The following QTMAN variants were observed in gnomAD, a reference collection of about 807,000 sequenced individuals.
QTMAN encodes the protein tRNA-queuosine alpha-mannosyltransferase.
At chr2:143,973,774 G>C in the QTMAN span, among the ~76,000 whole-genome samples, 2 of 148,964 alleles carry the variant, frequency 1.3e-5, no homozygotes, top group Admixed American at 1.3e-4. Context: ...GGGCGACAGA[G>C]CGAAACTCCG....
the QTMAN span, among the ~76,000 whole-genome samples, chr2:144,287,351 C>T: frequency 6.6e-6 from 1 of 151,108 alleles, no homozygotes; most frequent in African/African-American, 2.4e-5. Flanking sequence ...AGGAGAATGG[C>T]GTGAACCCGG....
the QTMAN span, among the ~76,000 whole-genome samples, chr2:143,989,506 G>C: frequency 2.0e-5 from 3 of 152,106 alleles, no homozygotes; most frequent in African/African-American, 4.8e-5. Context: ...GAAAGCATGA[G>C]TGGTCCTTAA....
At chr2:144,267,227 C>T in the QTMAN span, among the ~76,000 whole-genome samples, 31 of 152,116 alleles carry the variant, frequency 2.0e-4, no homozygotes, top group South Asian at 5.6e-3. Context: ...GATACAAATG[C>T]TAAACAAGAA....
the QTMAN span, among the ~76,000 whole-genome samples, chr2:144,152,483 C>CAAAAAAA: frequency 6.6e-6 from 1 of 152,090 alleles, no homozygotes; most frequent in Non-Finnish European, 1.5e-5. Flanking sequence ...CCATAAAAGA[C>CAAAAAAA]ACTTTGTAAT....
the QTMAN span, among the ~76,000 whole-genome samples, chr2:144,147,372 T>C: frequency 6.6e-6 from 1 of 151,630 alleles, no homozygotes; most frequent in South Asian, 2.1e-4. Context: ...TGTCCAAACA[T>C]ATTCCCCACA....
chr2:144,191,867 C>T, the QTMAN span, among the ~76,000 whole-genome samples: 1 of 152,122 alleles, frequency 6.6e-6, no homozygotes, highest in Non-Finnish European at 1.5e-5. Flanking sequence ...TACTTTATAA[C>T]TTTCTCTTTT....
the QTMAN span, among the ~76,000 whole-genome samples, chr2:144,297,654 C>T: frequency 6.8e-6 from 1 of 147,128 alleles, no homozygotes; most frequent in African/African-American, 2.5e-5. Context: ...AATCTTGGCT[C>T]ACTGCAATCT....
At chr2:143,998,775 T>C in the QTMAN span, among the ~76,000 whole-genome samples, 1 of 152,128 alleles carries the variant, frequency 6.6e-6, no homozygotes. Flanking sequence ...ACCACTCTTC[T>C]GTTAAAATGC....
chr2:143,952,860 A>G, the QTMAN span: 3 of 1,487,336 alleles, frequency 2.0e-6, no homozygotes, highest in African/African-American at 2.8e-5. Context: ...AAATTTTAGA[A>G]AGAGGGTAAG....
the QTMAN span, among the ~76,000 whole-genome samples, chr2:144,184,357 G>A: frequency 1.5e-3 from 231 of 152,148 alleles, no homozygotes; most frequent in Non-Finnish European, 2.8e-3. Flanking sequence ...CTTTTAGAGA[G>A]CTTAAAAGAA....
the QTMAN span, among the ~76,000 whole-genome samples, chr2:144,173,014 T>C: frequency 6.6e-6 from 1 of 152,156 alleles, no homozygotes; most frequent in East Asian, 1.9e-4. Flanking sequence ...TTTTGAGTAA[T>C]ATTTTTGCTA....
At chr2:144,185,660 A>C in the QTMAN span, among the ~76,000 whole-genome samples, 1 of 152,172 alleles carries the variant, frequency 6.6e-6, no homozygotes, top group Non-Finnish European at 1.5e-5. Context: ...AGGGCTGGTT[A>C]AGAATTTCTG....
At chr2:144,177,934 T>C in the QTMAN span, among the ~76,000 whole-genome samples, 1 of 152,180 alleles carries the variant, frequency 6.6e-6, no homozygotes, top group Non-Finnish European at 1.5e-5. Flanking sequence ...TTAGGATATA[T>C]TTTACAATTA....
At chr2:144,009,193 AAGAG>A in the QTMAN span, among the ~76,000 whole-genome samples, 1 of 152,094 alleles carries the variant, frequency 6.6e-6, no homozygotes, top group Non-Finnish European at 1.5e-5. Context: ...CTGAGGGAAA[AAGAG>A]AGAAATGAAG....
chr2:144,125,709 G>C, the QTMAN span, among the ~76,000 whole-genome samples: 2 of 152,034 alleles, frequency 1.3e-5, no homozygotes, highest in South Asian at 4.1e-4. Flanking sequence ...AACATATTTA[G>C]AAAATACCTT....
chr2:144,201,296 C>T, the QTMAN span, among the ~76,000 whole-genome samples: 1 of 152,126 alleles, frequency 6.6e-6, no homozygotes, highest in Middle Eastern at 3.4e-3. Flanking sequence ...GTATTGCCAA[C>T]AAAGGGACCA....
At chr2:144,000,548 A>G in the QTMAN span, among the ~76,000 whole-genome samples, 1 of 152,084 alleles carries the variant, frequency 6.6e-6, no homozygotes, top group Non-Finnish European at 1.5e-5. Context: ...TCCCTTTCAA[A>G]GAGCTATTGG....
At chr2:143,939,459 T>C in the QTMAN span, 1 of 152,238 alleles carries the variant, frequency 6.6e-6, no homozygotes, top group Non-Finnish European at 1.5e-5. Flanking sequence ...GGGTTTTTCT[T>C]TCTTTGTTTT....
At chr2:144,193,811 G>C in the QTMAN span, among the ~76,000 whole-genome samples, 4 of 152,078 alleles carry the variant, frequency 2.6e-5, no homozygotes, top group Non-Finnish European at 2.9e-5. Context: ...AGAGACATGA[G>C]CTACTGTGCC....
Sources: allele counts gnomAD v4.1 joint callset (sites outside exome capture counted in the v4.1 genomes callset), GRCh38; gene constraint gnomAD v4.1.1; transcripts MANE v1.5; gene names NCBI Gene and HGNC (gene_info 2026-07-23, HGNC 2026-07-21).